Variants in C5orf46 observed in about 807,000 individuals in gnomAD.
C5orf46 encodes chromosome 5 open reading frame 46.
C5orf46 carries 9 observed loss-of-function variants against 8.9 expected under a neutral mutation model. The ratio of observed to expected loss-of-function variants is 1.01; its 90% CI spans 0.61 to 1.76. The LOEUF (loss-of-function observed/expected upper bound fraction) is 1.76. C5orf46 is among the 40% of genes most tolerant of loss of function. The pLI is 0.00. For synonymous variants in C5orf46, 47 were observed against 41.4 expected (o/e 1.14, Z -0.52); for missense variants, 98 against 107.8 (o/e 0.91, Z 0.40).
intron 2 of C5orf46, chr5:147,901,366 A>G (rs1408852207): frequency 7.8e-6 from 2 of 257,900 alleles, no homozygotes; most frequent in African/African-American, 4.8e-5. Flanking sequence ...CCTCCTCCCT[A>G]TTTGCTCCTG....
intron 1 of C5orf46, among the ~76,000 whole-genome samples, chr5:147,904,462 A>AT (rs1757719541): frequency 1.3e-5 from 2 of 152,214 alleles, no homozygotes; most frequent in Admixed American, 6.5e-5. Context: ...CATTTGCCAA[A>AT]TGCAAAGCAG....
At chr5:147,900,963 C>T (rs779337118) in intron 2 of C5orf46, among the ~76,000 whole-genome samples, 1 of 152,188 alleles carries the variant, frequency 6.6e-6, no homozygotes, top group Non-Finnish European at 1.5e-5. Flanking sequence ...GGCTTGGAAG[C>T]AGGCTGAGAA....
downstream of C5orf46, among the ~76,000 whole-genome samples, chr5:147,889,978 A>G (rs185485990): frequency 6.6e-6 from 1 of 152,266 alleles, no homozygotes; most frequent in East Asian, 1.9e-4. Context: ...GTTTTGGTTT[A>G]AGCTTTCTTC....
At chr5:147,885,897 TTTTA>T (rs2127120983) in intron 2 of C5orf46, among the ~76,000 whole-genome samples, 1 of 152,250 alleles carries the variant, frequency 6.6e-6, no homozygotes, top group Non-Finnish European at 1.5e-5. Flanking sequence ...GTCATAACAA[TTTTA>T]TTTTAGTAGC....
intron 2 of C5orf46, among the ~76,000 whole-genome samples, chr5:147,897,799 C>T (rs1210012113): frequency 6.6e-6 from 1 of 152,012 alleles, no homozygotes; most frequent in African/African-American, 2.4e-5. Context: ...TTAGACTTGC[C>T]AAGTGAACAG....
chr5:147,891,661 T>G (rs1295654026), downstream of C5orf46, among the ~76,000 whole-genome samples: 1 of 152,118 alleles, frequency 6.6e-6, no homozygotes, highest in Non-Finnish European at 1.5e-5. Context: ...AATCAGTGAG[T>G]CAACATTGGA....
At chr5:147,889,797 A>G (rs192800268), downstream of C5orf46, among the ~76,000 whole-genome samples, 3 of 152,298 alleles carry the variant, frequency 2.0e-5, no homozygotes, top group African/African-American at 7.2e-5. Context: ...ATCATTTCAA[A>G]AGGGAATAAT....
At chr5:147,889,156 T>C (rs148807052), downstream of C5orf46, among the ~76,000 whole-genome samples, 105 of 152,278 alleles carry the variant, frequency 6.9e-4, 2 homozygotes, top group Middle Eastern at 3.4e-3. Context: ...ATAGAAATGA[T>C]ATGAAAGTCT....
At chr5:147,897,516 A>G (rs1278633126) in intron 2 of C5orf46, among the ~76,000 whole-genome samples, 1 of 152,218 alleles carries the variant, frequency 6.6e-6, no homozygotes, top group African/African-American at 2.4e-5. Context: ...ACTAAATGCT[A>G]GAAACATTAT....
chr5:147,889,907 G>C (rs1413674830), downstream of C5orf46, among the ~76,000 whole-genome samples: 5 of 152,152 alleles, frequency 3.3e-5, no homozygotes, highest in Non-Finnish European at 5.9e-5. Context: ...TCTTAATAAA[G>C]GTAGGTAAGT....
At chr5:147,890,638 T>C (rs549313882), downstream of C5orf46, among the ~76,000 whole-genome samples, 220 of 152,120 alleles carry the variant, frequency 1.4e-3, 1 homozygote, top group African/African-American at 5.2e-3. Context: ...GTACAAGACC[T>C]TAAGAAATGA....
rs116524222 is a variant in C5orf46 at position 147,900,107 on chromosome 5, C to T, written c.215+1522G>A. Among the ~76,000 whole-genome samples the T allele has an allele frequency of 3.6e-3, 547 of 152,284 alleles. 4 individuals are homozygous for T. Among genetic ancestry groups the T allele is most frequent in the African/African-American group, 0.013 (530 of 41,556 alleles). ...TCCTTGTTTTGCTGTGTGGATGTAACAATACTAATTCAACTGGAGTCTAAT... is the reference window on the plus strand; with the variant it reads ...TCCTTGTTTTGCTGTGTGGATGTAATAATACTAATTCAACTGGAGTCTAAT... On this transcript the variant is annotated intron_variant, in intron 2 of 3. Coordinates refer to ENST00000318315, the MANE Select transcript of C5orf46 (RefSeq NM_206966.3).
intron 1 of C5orf46, among the ~76,000 whole-genome samples, chr5:147,904,934 TATAA>T (rs1474913870): frequency 1.3e-5 from 2 of 150,744 alleles, no homozygotes; most frequent in African/African-American, 2.4e-5. Flanking sequence ...ACTTACCTTA[TATAA>T]ATAAATAATA....
intron 2 of C5orf46, among the ~76,000 whole-genome samples, chr5:147,900,707 G>A (rs996681090): frequency 1.3e-5 from 2 of 152,134 alleles, no homozygotes; most frequent in African/African-American, 4.8e-5. Context: ...TTCCCCCAAG[G>A]GATTCTGTAT....
At chr5:147,906,075 A>C (rs7722277) in intron 1 of C5orf46, among the ~76,000 whole-genome samples, 56,174 of 152,042 alleles carry the variant, frequency 0.37, 12,799 homozygotes, top group African/African-American at 0.64. Flanking sequence ...AGAGCCAGGT[A>C]CAGGAGTTTT....
At chr5:147,895,732 G>A (rs563703361) in intron 3 of C5orf46, among the ~76,000 whole-genome samples, 12 of 152,294 alleles carry the variant, frequency 7.9e-5, no homozygotes, top group African/African-American at 2.9e-4. Context: ...CCTGCAAGAA[G>A]AGGCAGGCTG....
At chr5:147,890,356 C>T (rs915513635), downstream of C5orf46, among the ~76,000 whole-genome samples, 2 of 152,096 alleles carry the variant, frequency 1.3e-5, no homozygotes, top group African/African-American at 4.8e-5. Context: ...CTGCTCTCTG[C>T]TAGACACTGT....
chr5:147,890,847 G>A (rs1757493341), downstream of C5orf46, among the ~76,000 whole-genome samples: 3 of 152,176 alleles, frequency 2.0e-5, no homozygotes, highest in African/African-American at 7.2e-5. Flanking sequence ...TTGCCACATT[G>A]TAAAGAAATT....
At chr5:147,894,906 T>C (rs1757557708) in intron 3 of C5orf46, among the ~76,000 whole-genome samples, 1 of 150,848 alleles carries the variant, frequency 6.6e-6, no homozygotes, top group Admixed American at 6.6e-5. Flanking sequence ...TAAAGGAAAA[T>C]ACAAAAATTA....
Sources: allele counts gnomAD v4.1 joint callset (sites outside exome capture counted in the v4.1 genomes callset), GRCh38; gene constraint gnomAD v4.1.1; transcripts MANE v1.5; gene names NCBI Gene and HGNC (gene_info 2026-07-23, HGNC 2026-07-21).